Variants in ANO2 observed in about 807,000 individuals in gnomAD.
The protein encoded by ANO2 is anoctamin-2.
Under a neutral mutation model 124.2 loss-of-function variants are expected in ANO2, and 101 were observed. That is an observed-to-expected ratio of 0.81 (90% CI 0.69 to 0.96). The LOEUF is 0.96. ANO2 is among the 40% of genes least tolerant of loss of function. ANO2 has a pLI of 0.00. For missense variants in ANO2, 1,293 were observed against 1,274.5 expected (o/e 1.01, Z -0.22); for synonymous variants, 486 against 482.5 (o/e 1.01, Z -0.09).
intron 14 of ANO2, among the ~76,000 whole-genome samples, chr12:5,693,502 T>C (rs1378524582): frequency 6.6e-6 from 1 of 152,150 alleles, no homozygotes; most frequent in East Asian, 1.9e-4. Flanking sequence ...CTCCCCACTC[T>C]GTCCCCGCCC....
intron 4 of ANO2, among the ~76,000 whole-genome samples, chr12:5,851,616 C>T (rs547581016): frequency 2.8e-5 from 4 of 143,014 alleles, no homozygotes; most frequent in African/African-American, 7.8e-5. Flanking sequence ...ACCTGGGGGA[C>T]GGAGATTGCA....
At chr12:5,718,087 T>C (rs983629406) in intron 14 of ANO2, among the ~76,000 whole-genome samples, 1 of 152,234 alleles carries the variant, frequency 6.6e-6, no homozygotes, top group Non-Finnish European at 1.5e-5. Context: ...ATCTTGGCAT[T>C]TGGGTTTATG....
At chr12:5,855,954 T>C (rs1183255192) in intron 3 of ANO2, among the ~76,000 whole-genome samples, 6 of 152,300 alleles carry the variant, frequency 3.9e-5, no homozygotes, top group Admixed American at 3.9e-4. Flanking sequence ...CAATCCCAAG[T>C]GTGACATCGT....
At chr12:5,717,261 C>A (rs536989367) in intron 14 of ANO2, among the ~76,000 whole-genome samples, 142 of 152,290 alleles carry the variant, frequency 9.3e-4, no homozygotes, top group African/African-American at 3.3e-3. Context: ...GGAGGACAAG[C>A]TGGGGACAAG....
At chr12:5,801,485 A>G (rs2137165803) in intron 9 of ANO2, among the ~76,000 whole-genome samples, 1 of 152,376 alleles carries the variant, frequency 6.6e-6, no homozygotes, top group East Asian at 1.9e-4. Flanking sequence ...TACTTTAATC[A>G]GGTACTTCGG....
At chr12:5,863,561 G>A (rs952918958) in intron 3 of ANO2, among the ~76,000 whole-genome samples, 19 of 152,140 alleles carry the variant, frequency 1.2e-4, no homozygotes, top group Admixed American at 8.5e-4. Flanking sequence ...GAGGAGAGAA[G>A]GATAGACTTT....
chr12:5,609,869 G>GTATATATATATATA (rs10677018), intron 19 of ANO2, among the ~76,000 whole-genome samples: 1 of 144,378 alleles, frequency 6.9e-6, no homozygotes, highest in Non-Finnish European at 1.5e-5. Flanking sequence ...TTTAGAAAAT[G>GTATATATATATATA]TATATATATA....
rs556750966 is a variant in ANO2, at chr12:5,626,522, A to T, written c.1816+8630T>A. Among the ~76,000 whole-genome samples, 4 of 152,290 alleles carry T rather than the reference A, an allele frequency of 2.6e-5. No individual in the cohort carries two copies. In the East Asian group the frequency reaches 7.7e-4, roughly 29 times the overall value. On this transcript the variant is annotated intron_variant, in intron 16 of 24. Coordinates refer to ENST00000682330, the MANE Select transcript of ANO2 (RefSeq NM_001364791.2). ...GGCTAGTGTCCAGCAGCAATGTTCC[A>T]TAGGAGTGAGACCCAAGGAGCGAAG... is the stretch of plus-strand genomic sequence containing the variant.
At chr12:5,697,903 G>C (rs867500190) in intron 14 of ANO2, among the ~76,000 whole-genome samples, 37 of 152,354 alleles carry the variant, frequency 2.4e-4, no homozygotes, top group Middle Eastern at 3.4e-3. Flanking sequence ...CAGCAAGGCT[G>C]GGGGAGGGGC....
chr12:5,903,125 A>C (rs1307826129), intron 3 of ANO2, among the ~76,000 whole-genome samples: 1 of 151,818 alleles, frequency 6.6e-6, no homozygotes, highest in Non-Finnish European at 1.5e-5. Context: ...ACAGCACCGG[A>C]CAATTGCGCA....
intron 4 of ANO2, among the ~76,000 whole-genome samples, chr12:5,842,898 G>A (rs972532777): frequency 3.9e-5 from 6 of 151,956 alleles, no homozygotes; most frequent in Admixed American, 3.3e-4. Flanking sequence ...TTTTGACAGT[G>A]AGAAGCATTA....
intron 23 of ANO2, among the ~76,000 whole-genome samples, chr12:5,569,112 G>T (rs976131291): frequency 9.9e-5 from 15 of 152,238 alleles, no homozygotes; most frequent in Admixed American, 8.5e-4. Context: ...AGCACTAAAT[G>T]CTGCAAGTTT....
rs1942509912 is a variant in ANO2 at position 5,577,950 on chromosome 12, C to T, written c.2439+5G>A. 4 of 1,613,154 alleles carry T rather than the reference C, an allele frequency of 2.5e-6. No individual in the cohort carries two copies. Among genetic ancestry groups the T allele is most frequent in the Non-Finnish European group, 3.4e-6 (4 of 1,179,246 alleles). ...AGCGAGTGTGTCATGAATGCAAGTACTTACGTTGCTGATAACAGAGAACTT... is the reference window on the plus strand; with the variant it reads ...AGCGAGTGTGTCATGAATGCAAGTATTTACGTTGCTGATAACAGAGAACTT... On this transcript the variant is annotated splice_donor_5th_base_variant and intron_variant, in intron 22 of 24. Transcript: ENST00000682330.
At chr12:5,843,228 G>A (rs761558995) in intron 4 of ANO2, among the ~76,000 whole-genome samples, 5 of 152,146 alleles carry the variant, frequency 3.3e-5, no homozygotes, top group African/African-American at 7.2e-5. Flanking sequence ...TCCTTCCCAC[G>A]ACCGAGGATC....
At chr12:5,677,826 C>CCGGAA (rs1424540820) in intron 14 of ANO2, among the ~76,000 whole-genome samples, 1 of 152,228 alleles carries the variant, frequency 6.6e-6, no homozygotes, top group Non-Finnish European at 1.5e-5. Context: ...CTCTTCCCTG[C>CCGGAA]CGTTCCCACT....
At chr12:5,640,126 G>A (rs149692091) in intron 15 of ANO2, among the ~76,000 whole-genome samples, 1 of 152,278 alleles carries the variant, frequency 6.6e-6, no homozygotes, top group Non-Finnish European at 1.5e-5. Context: ...ACACAAGGAG[G>A]CAGATGAAAT....
chr12:5,756,543 G>A (rs1951585287), intron 10 of ANO2, among the ~76,000 whole-genome samples: 1 of 152,226 alleles, frequency 6.6e-6, no homozygotes, highest in East Asian at 1.9e-4. Context: ...GAGATTATGG[G>A]TGGATCAGCT....
chr12:5,763,706 C>A (rs376910583), intron 10 of ANO2, among the ~76,000 whole-genome samples: 1 of 151,802 alleles, frequency 6.6e-6, no homozygotes, highest in African/African-American at 2.4e-5. Flanking sequence ...TAAAGCTATG[C>A]GTAGAGAGAT....
rs574527746 is a variant in ANO2 at position 5,636,255 on chromosome 12, C to T, written c.1621-908G>A. Among the ~76,000 whole-genome samples the T allele has an allele frequency of 2.6e-5, 4 of 152,242 alleles. No individual in the cohort carries two copies. Among genetic ancestry groups the T allele is most frequent in the East Asian group, 3.9e-4 (2 of 5,172 alleles). Reference sequence around the variant, plus strand: ...GCCCCTCTTCCTTCTTCTGTCCCCACGTCCCCTCCTGTCCCCATCGCAACC... The same window carrying T: ...GCCCCTCTTCCTTCTTCTGTCCCCATGTCCCCTCCTGTCCCCATCGCAACC... On this transcript the variant is annotated intron_variant, in intron 15 of 24. Coordinates refer to ENST00000682330, the MANE Select transcript of ANO2 (RefSeq NM_001364791.2). This position sits in a 1 kb window ranked among gnomAD's most constrained non-coding sequence, Gnocchi z 4.6.
Sources: allele counts gnomAD v4.1 joint callset (sites outside exome capture counted in the v4.1 genomes callset), GRCh38; gene constraint gnomAD v4.1.1; non-coding constraint Gnocchi (gnomAD v3.1); transcripts MANE v1.5; gene names NCBI Gene and HGNC (gene_info 2026-07-23, HGNC 2026-07-21).